TRHDE: variants seen among roughly 807,000 people sequenced by gnomAD.
The protein encoded by TRHDE is thyrotropin releasing hormone degrading enzyme.
A neutral mutation model predicts 125.7 loss-of-function variants in TRHDE; 72 were observed. That is an observed-to-expected ratio of 0.57 (90% CI 0.47 to 0.70). The LOEUF is 0.70. TRHDE is among the 30% of genes least tolerant of loss of function. TRHDE has a pLI of 0.00. For missense variants in TRHDE, 1,110 were observed against 1,327.1 expected (o/e 0.84, Z 2.54); for synonymous variants, 509 against 509.1 (o/e 1.00, Z 0.00).
chr12:72,176,632 T>C (rs546861017), intron 2 of TRHDE, among the ~76,000 whole-genome samples: 15 of 152,340 alleles, frequency 9.8e-5, no homozygotes, highest in Admixed American at 3.9e-4. Context: ...AAATCTATGG[T>C]GCACGTGTAG....
intron 2 of TRHDE, among the ~76,000 whole-genome samples, chr12:72,112,363 A>G (rs12309403): frequency 0.014 from 2,207 of 152,264 alleles, 67 homozygotes; most frequent in African/African-American, 0.05. Flanking sequence ...AGAAGCTGAA[A>G]AGTAACCGTG....
At chr12:72,320,163 T>C (rs758182720) in intron 2 of TRHDE, among the ~76,000 whole-genome samples, 1 of 151,970 alleles carries the variant, frequency 6.6e-6, no homozygotes, top group Non-Finnish European at 1.5e-5. Flanking sequence ...GAGGAGTGTA[T>C]ATGCATACAC....
At chr12:72,452,068 A>G (rs940861900) in intron 3 of TRHDE, among the ~76,000 whole-genome samples, 1 of 152,126 alleles carries the variant, frequency 6.6e-6, no homozygotes, top group African/African-American at 2.4e-5. Context: ...GCCTCAAGTG[A>G]TCTGCCCGCA....
chr12:72,515,674 T>G (rs1411109402), intron 6 of TRHDE, among the ~76,000 whole-genome samples: 3 of 151,958 alleles, frequency 2.0e-5, no homozygotes, highest in South Asian at 2.1e-4. Context: ...TTTTGGCTTT[T>G]GTTGCCATTG....
At chr12:72,577,610 T>C (rs1456295428) in intron 12 of TRHDE, among the ~76,000 whole-genome samples, 2 of 152,216 alleles carry the variant, frequency 1.3e-5, no homozygotes, top group African/African-American at 4.8e-5. Flanking sequence ...TAAGTAGTGA[T>C]AGCCTAATGA....
chr12:72,151,732 T>C (rs199912228), intron 2 of TRHDE, among the ~76,000 whole-genome samples: 2,545 of 152,284 alleles, frequency 0.017, 67 homozygotes, highest in South Asian at 0.11. Context: ...TTCTGAGGGC[T>C]CTGTTCTGTT....
chr12:72,615,032 A>G (rs551312000), intron 12 of TRHDE, among the ~76,000 whole-genome samples: 1 of 152,284 alleles, frequency 6.6e-6, no homozygotes, highest in Non-Finnish European at 1.5e-5. Context: ...ATATGTGTGC[A>G]TGCAGCAAGG....
chr12:72,363,639 C>G (rs1871217412), intron 2 of TRHDE, among the ~76,000 whole-genome samples: 1 of 152,018 alleles, frequency 6.6e-6, no homozygotes, highest in South Asian at 2.1e-4. Context: ...TAAGAGCTAT[C>G]TATGACAAAC....
upstream of TRHDE, among the ~76,000 whole-genome samples, chr12:72,268,615 A>C (rs963721006): frequency 6.6e-6 from 1 of 152,126 alleles, no homozygotes; most frequent in Non-Finnish European, 1.5e-5. Flanking sequence ...GAGACTGAGT[A>C]CCCGAGGACA....
At chr12:72,416,568 T>C (rs930240627) in intron 3 of TRHDE, among the ~76,000 whole-genome samples, 15 of 152,082 alleles carry the variant, frequency 9.9e-5, no homozygotes, top group Admixed American at 1.3e-4. Flanking sequence ...TGGTGAGAGA[T>C]AGAGGTCTAG....
chr12:72,142,257 C>G (rs1362237801), intron 2 of TRHDE, among the ~76,000 whole-genome samples: 1 of 152,126 alleles, frequency 6.6e-6, no homozygotes, highest in African/African-American at 2.4e-5. Flanking sequence ...TCTTTTCTCT[C>G]TCTTTGACCT....
chr12:72,164,351 G>C (rs115333899), intron 2 of TRHDE, among the ~76,000 whole-genome samples: 1,652 of 152,270 alleles, frequency 0.011, 28 homozygotes, highest in African/African-American at 0.038. Flanking sequence ...GAAGGGTAAG[G>C]GTGGTTTGAT....
At chr12:72,425,042 GA>G (rs919961977) in intron 3 of TRHDE, among the ~76,000 whole-genome samples, 4 of 152,058 alleles carry the variant, frequency 2.6e-5, no homozygotes, top group Admixed American at 2.6e-4. Context: ...ACTCCTATAA[GA>G]AAAATGAAAG....
chr12:72,640,350 G>A lies in TRHDE; in HGVS notation c.2676-11972G>A, dbSNP rs1356142330. On this transcript the variant is annotated intron_variant, in intron 15 of 18. Transcript: ENST00000261180. ...CGCTTCCCGAGTGAGGCAATGCCTC[G>A]CCCTGCTTTGGCTCGCGCACGGTGC... 7.9e-5 allele frequency among the ~76,000 whole-genome samples: 12 copies of A among 152,312 alleles called. No individual in the cohort carries two copies. The South Asian group carries it at 1.4e-3, about 18-fold the overall frequency.
At chr12:72,421,121 T>G (rs1054154270) in intron 3 of TRHDE, among the ~76,000 whole-genome samples, 2 of 152,144 alleles carry the variant, frequency 1.3e-5, no homozygotes, top group African/African-American at 4.8e-5. Flanking sequence ...TCCAGTTATC[T>G]CATTCTGCAT....
intron 3 of TRHDE, among the ~76,000 whole-genome samples, chr12:72,462,150 G>A (rs182032675): frequency 1.3e-5 from 2 of 152,224 alleles, no homozygotes; most frequent in East Asian, 1.9e-4. Context: ...AAAATAACTT[G>A]GATTGTGATT....
chr12:72,382,669 G>A (rs2135781975), intron 3 of TRHDE, among the ~76,000 whole-genome samples: 1 of 152,258 alleles, frequency 6.6e-6, no homozygotes, highest in East Asian at 1.9e-4. Flanking sequence ...AGCTTTGGAA[G>A]GAATGTTTGT....
intron 2 of TRHDE, among the ~76,000 whole-genome samples, chr12:72,300,617 G>T (rs917548156): frequency 3.3e-5 from 5 of 151,630 alleles, no homozygotes; most frequent in Non-Finnish European, 7.4e-5. Flanking sequence ...TATAGCGTGT[G>T]TGTGTGTGTA....
At chr12:72,652,993 T>A (rs754368796) in intron 16 of TRHDE, 23 bp from the exon 17 acceptor site, 73 of 1,580,498 alleles carry the variant, frequency 4.6e-5, no homozygotes, top group Non-Finnish European at 6.2e-5. Context: ...ACTAAAAATT[T>A]TTACAAAATT....
Sources: gnomAD v4.1 joint callset for allele counts (sites outside exome capture counted in the v4.1 genomes callset) on GRCh38, gnomAD v4.1.1 for gene constraint, MANE v1.5 for transcripts, NCBI Gene and HGNC (gene_info 2026-07-23, HGNC 2026-07-21) for gene names.